The following RMDN2 variants were observed in gnomAD, a reference collection of about 807,000 sequenced individuals.
RMDN2 encodes the protein regulator of microtubule dynamics 2, also known as regulator of microtubule dynamics protein 2.
RMDN2 carries 61 observed loss-of-function variants against 52.8 expected under a neutral mutation model. That is an observed-to-expected ratio of 1.16 (90% confidence interval 0.94 to 1.43). RMDN2 has a LOEUF of 1.43. RMDN2 is among the 40% of genes most tolerant of loss of function. The probability of loss-of-function intolerance (pLI) is 0.00; values close to 1 mark genes in which losing one functional copy is unlikely to be tolerated. For synonymous variants in RMDN2, 180 were observed against 153.1 expected, an observed-to-expected ratio of 1.18 and a Z score of -1.30; for missense variants, 592 against 475.3, an observed-to-expected ratio of 1.25 and a Z score of -2.28.
chr2:37,981,191 G>A, intron 4 of RMDN2, 92 bp from the exon 5 acceptor site: 1 of 832,838 alleles, frequency 1.2e-6, no homozygotes, highest in Non-Finnish European at 2.1e-6. Flanking sequence ...TCTGGTCTTG[G>A]GACCATACTT....
At chr2:37,997,547 G>T (rs371436793) in intron 8 of RMDN2, 33 bp downstream of exon 8, 2 of 1,332,998 alleles carry the variant, frequency 1.5e-6, no homozygotes, top group Non-Finnish European at 2.2e-6. Context: ...TTTAGTGTCA[G>T]ACTGATTACC....
At chr2:37,937,678 T>G (rs1051766311) in intron 2 of RMDN2, among the ~76,000 whole-genome samples, 14 of 152,310 alleles carry the variant, frequency 9.2e-5, no homozygotes, top group Middle Eastern at 6.8e-3. Context: ...GGGAGTTTGC[T>G]CATGATTTGA....
At chr2:38,060,117 TA>T (rs1332964406) in intron 10 of RMDN2, among the ~76,000 whole-genome samples, 1 of 108,646 alleles carries the variant, frequency 9.2e-6, no homozygotes, top group Non-Finnish European at 1.9e-5. Context: ...TATTTTATTT[TA>T]TTTTTTTTAG....
intron 2 of RMDN2, among the ~76,000 whole-genome samples, chr2:37,957,245 A>G (rs533921141): frequency 3.9e-5 from 6 of 152,294 alleles, no homozygotes; most frequent in East Asian, 3.9e-4. Context: ...GTCTTCCACA[A>G]TGGTTGAACT....
At chr2:37,964,373 G>T (rs1226951622) in intron 2 of RMDN2, among the ~76,000 whole-genome samples, 1 of 152,170 alleles carries the variant, frequency 6.6e-6, no homozygotes, top group East Asian at 1.9e-4. Flanking sequence ...TTTTTGGTAT[G>T]TTATGTTTTC....
intron 10 of RMDN2, among the ~76,000 whole-genome samples, chr2:38,006,052 A>G (rs1677034787): frequency 6.6e-6 from 1 of 152,022 alleles, no homozygotes; most frequent in African/African-American, 2.4e-5. Context: ...GTTCTGTTCC[A>G]TTGGTCTATA....
intron 2 of RMDN2, among the ~76,000 whole-genome samples, chr2:37,958,954 T>A (rs1487653290): frequency 6.6e-6 from 1 of 151,080 alleles, no homozygotes; most frequent in Admixed American, 6.6e-5. Context: ...ATGGATTACG[T>A]TTATTGACTT....
intron 5 of RMDN2, among the ~76,000 whole-genome samples, chr2:37,984,581 G>A (rs1193513296): frequency 1.3e-5 from 2 of 152,160 alleles, no homozygotes; most frequent in Non-Finnish European, 2.9e-5. Context: ...TCATTTTTCT[G>A]TTAACAGTAT....
Position 37,974,082 on chromosome 2 carries a change from A to T in RMDN2, c.495A>T (p.Pro165=). 1 of 1,612,256 alleles carries T rather than the reference A, an allele frequency of 6.2e-7. No homozygotes were observed. The highest frequency in any genetic ancestry group is 8.5e-7 in the Non-Finnish European group (1 of 1,179,150). ...ANTDTEEQSF[P]VPKAFNTRVE... ...CTGACACAGAAGAACAGAGTTTTCCAGTCCCTAAGGCATTTAACACACGTG... is the reference window on the plus strand; with the variant it reads ...CTGACACAGAAGAACAGAGTTTTCCTGTCCCTAAGGCATTTAACACACGTG... The change falls in exon 3 of 11, where the codon CCA becomes CCT. Residue 165 remains proline, a synonymous_variant. Transcript: ENST00000354545.
In RMDN2 at chr2:37,948,136, C is replaced by T. The variant is rs531774314; in HGVS notation, c.452+18407C>T. Among the ~76,000 whole-genome samples, 15 of 152,280 alleles carry T rather than the reference C, an allele frequency of 9.9e-5. No individual in the cohort carries two copies. The South Asian group carries it at 2.9e-3, about 29-fold the overall frequency. On this transcript the variant is annotated intron_variant, in intron 2 of 10. Transcript: ENST00000354545. ...CAGCAACATCAGCATCCAGTCTTGC[C>T]TGTGAGAGTGTGGGAAATGCATGTT...
chr2:37,977,502 G>A (rs973921372), intron 4 of RMDN2, among the ~76,000 whole-genome samples: 12 of 151,744 alleles, frequency 7.9e-5, no homozygotes, highest in Admixed American at 2.0e-4. Flanking sequence ...GCTGCCGGGC[G>A]GAGACGCGCC....
chr2:37,993,162 T>C (rs1456465785), intron 7 of RMDN2, among the ~76,000 whole-genome samples: 1 of 152,176 alleles, frequency 6.6e-6, no homozygotes, highest in Non-Finnish European at 1.5e-5. Flanking sequence ...TGGCCTCAAA[T>C]GATCCACCTG....
intron 2 of RMDN2, among the ~76,000 whole-genome samples, chr2:37,949,623 A>T (rs1368146483): frequency 6.6e-6 from 1 of 152,188 alleles, no homozygotes; most frequent in Non-Finnish European, 1.5e-5. Context: ...CGACCATTGT[A>T]TGGTGAACGT....
chr2:38,019,075 G>T (rs1382187806), downstream of RMDN2, among the ~76,000 whole-genome samples: 2 of 152,178 alleles, frequency 1.3e-5, no homozygotes, highest in Non-Finnish European at 1.5e-5. Context: ...GCTAGATGGG[G>T]CAAGAGTCTT....
rs1159354861 is a variant in RMDN2, at chr2:37,943,716, A to G, written c.452+13987A>G. 2.0e-5 allele frequency among the ~76,000 whole-genome samples: 3 copies of G among 152,148 alleles called. No homozygotes were observed. In the East Asian group the frequency reaches 5.8e-4, roughly 29 times the overall value. The stretch of plus-strand genomic sequence containing the variant: ...CCTTCATTGCGCTCCATTCTATTAT[A>G]TATGCATTTTTCATGTTAAACTGCA... On this transcript the variant is annotated intron_variant, in intron 2 of 10. Transcript: ENST00000354545.
intron 2 of RMDN2, among the ~76,000 whole-genome samples, chr2:37,932,696 C>A (rs2124898438): frequency 6.7e-6 from 1 of 148,956 alleles, no homozygotes; most frequent in Admixed American, 6.6e-5. Context: ...GGCTGACCCC[C>A]CCCACCTCCC....
At chr2:38,059,347 T>TCATA (rs1180919717) in intron 10 of RMDN2, among the ~76,000 whole-genome samples, 1 of 152,196 alleles carries the variant, frequency 6.6e-6, no homozygotes, top group Non-Finnish European at 1.5e-5. Context: ...TGGGCAGTGA[T>TCATA]CATACCATCA....
chr2:38,009,296 G>A (rs1158074558), intron 10 of RMDN2, among the ~76,000 whole-genome samples: 1 of 152,196 alleles, frequency 6.6e-6, no homozygotes, highest in East Asian at 1.9e-4. Context: ...ATCCTGCAGA[G>A]TGTTTTCCAA....
intron 2 of RMDN2, among the ~76,000 whole-genome samples, chr2:37,965,939 C>T (rs1246190737): frequency 6.6e-6 from 1 of 152,238 alleles, no homozygotes; most frequent in Non-Finnish European, 1.5e-5. Context: ...TATCGTCCCA[C>T]TGCCTTCTGG....
Sources: gnomAD v4.1 joint callset for allele counts (sites outside exome capture counted in the v4.1 genomes callset) on GRCh38, gnomAD v4.1.1 for gene constraint, MANE v1.5 for transcripts, NCBI Gene and HGNC (gene_info 2026-07-23, HGNC 2026-07-21) for gene names.